The following GHRL variants were observed in gnomAD, a reference collection of about 807,000 sequenced individuals.
GHRL encodes appetite-regulating hormone.
A neutral mutation model predicts 16.9 loss-of-function variants in GHRL; 24 were observed. The ratio of observed to expected loss-of-function variants is 1.42; its 90% confidence interval spans 1.03 to 2.00. GHRL has a LOEUF of 2.00. Ranked by LOEUF, GHRL falls within the 30% of genes most tolerant of loss-of-function variation. The pLI, the probability that GHRL is intolerant of heterozygous loss-of-function variation, is 0.00. For synonymous variants in GHRL, 63 were observed against 58.2 expected, an observed-to-expected ratio of 1.08 and a Z score of -0.37; for missense variants, 193 against 142.1, an observed-to-expected ratio of 1.36 and a Z score of -1.82.
intron 3 of GHRL, 40 bp from the exon 4 acceptor site, chr3:10,289,918 C>T (rs1346844112): frequency 1.2e-5 from 19 of 1,528,780 alleles, no homozygotes; most frequent in Admixed American, 5.2e-5. Context: ...TCTAAGCCCC[C>T]ATGTCCTTCC....
chr3:10,290,092 G>C lies in GHRL; in HGVS notation c.89C>G (p.Pro30Arg). Residue 30 changes from proline to arginine, a missense_variant, in exon 3 of 6, where the codon CCT (proline) becomes CGT (arginine). Coordinates refer to ENST00000335542, the MANE Select transcript of GHRL (RefSeq NM_016362.5). Reference sequence around the variant, plus strand: ...TCTCACCTGGACTCTCTGGTGTTCAGGGCTCAGGAAGCTGGAGCCTGCCAT... The same window carrying C: ...TCTCACCTGGACTCTCTGGTGTTCACGGCTCAGGAAGCTGGAGCCTGCCAT... ...LAMAGSSFLS[P>R]EHQRVQQRKE... 1.9e-6 allele frequency: 3 copies of C among 1,612,758 alleles called. No individual in the cohort carries two copies. The highest frequency in any genetic ancestry group is 2.5e-6 in the Non-Finnish European group (3 of 1,179,680).
chr3:10,286,753 G>C lies in GHRL; in HGVS notation c.285C>G (p.Ser95Arg). ...CCTGAAGAAACTTCCCCAGGGCCTG[G>C]CTGTGCTGCTGGTACTGAACCCCTG... ...KLSGVQYQQH[S>R]QALGKFLQDI... Residue 95 changes from serine to arginine, a missense_variant, in exon 5 of 6, where the codon AGC becomes AGG. Ser to Arg is a moderately radical substitution (Grantham distance 110). Transcript: ENST00000335542. 6.2e-7 allele frequency: 1 copy of C among 1,613,004 alleles called. No individual in the cohort carries two copies. The highest frequency in any genetic ancestry group is 8.5e-7 in the Non-Finnish European group (1 of 1,178,946).
At chr3:10,285,945 G>A in intron 5 of GHRL, 51 bp from the exon 6 acceptor site, 1 of 1,549,512 alleles carries the variant, frequency 6.5e-7, no homozygotes, top group African/African-American at 1.4e-5. Flanking sequence ...TCCTGCTAGT[G>A]CTTTTCTTCC....
chr3:10,289,104 C>T (rs902018024), intron 4 of GHRL, among the ~76,000 whole-genome samples: 3 of 152,184 alleles, frequency 2.0e-5, no homozygotes, highest in Admixed American at 2.0e-4. Context: ...AATGGTGTCA[C>T]CAACCAAATA....
chr3:10,292,913 T>G lies in GHRL; in HGVS notation c.-837A>C. 6.5e-7 allele frequency: 1 copy of G among 1,545,120 alleles called. No individual in the cohort carries two copies. Among genetic ancestry groups the G allele is most frequent in the Non-Finnish European group, 8.7e-7 (1 of 1,142,954 alleles). On this transcript the variant is annotated 5_prime_UTR_variant, in exon 1 of 6. The change abolishes an upstream ATG in the 5' untranslated region. Coordinates refer to ENST00000335542, the MANE Select transcript of GHRL (RefSeq NM_016362.5). The stretch of plus-strand genomic sequence containing the variant: ...AGATAAGACCACCAGCAAGTAAACA[T>G]CCACTGTGCAAAGCTGTGTTATCTT...
rs959101091 is a variant in GHRL, at chr3:10,290,053, G to A, written c.108+20C>T. 22 of 1,609,974 alleles carry A rather than the reference G, an allele frequency of 1.4e-5. No homozygotes were observed. The highest frequency in any genetic ancestry group is 1.9e-5 in the Non-Finnish European group (22 of 1,178,300). ...TGGCAGGGCTGGAACAACATGTGGGGCTTTGTGGGGAGGTCTCACCTGGAC... is the reference window on the plus strand; with the variant it reads ...TGGCAGGGCTGGAACAACATGTGGGACTTTGTGGGGAGGTCTCACCTGGAC... On this transcript the variant is annotated intron_variant, in intron 3 of 5. Transcript: ENST00000335542.
In GHRL at chr3:10,292,922, C is replaced by CT; in HGVS notation, c.-847_-846insA. The CT allele has an allele frequency of 6.5e-7, 1 of 1,536,348 alleles. No individual in the cohort carries two copies. The highest frequency in any genetic ancestry group is 8.8e-7 in the Non-Finnish European group (1 of 1,138,226). On this transcript the variant is annotated 5_prime_UTR_variant, in exon 1 of 6. Transcript: ENST00000335542. ...CACCAGCAAGTAAACATCCACTGTGCAAAGCTGTGTTATCTTTGGGGAACT... is the reference window on the plus strand; with the variant it reads ...CACCAGCAAGTAAACATCCACTGTGCTAAAGCTGTGTTATCTTTGGGGAACT...
chr3:10,292,302 A>G (rs73125655), intron 1 of GHRL: 5,507 of 153,756 alleles, frequency 0.036, 221 homozygotes, highest in African/African-American at 0.1. Flanking sequence ...ATCTGGCTCC[A>G]TAATGAACAT....
chr3:10,285,914 G>A lies in GHRL; in HGVS notation c.335-20C>T. On this transcript the variant is annotated intron_variant, in intron 5 of 5. Coordinates refer to ENST00000335542, the MANE Select transcript of GHRL (RefSeq NM_016362.5). ...GGGCCTCTGGAAAGCAAGAGGTTGAGTAAGAATGCTGGGTGCACCGTCCTG... is the reference window on the plus strand; with the variant it reads ...GGGCCTCTGGAAAGCAAGAGGTTGAATAAGAATGCTGGGTGCACCGTCCTG... 6.2e-7 allele frequency: 1 copy of A among 1,611,072 alleles called. No individual in the cohort carries two copies. Among genetic ancestry groups the A allele is most frequent in the Non-Finnish European group, 8.5e-7 (1 of 1,177,310 alleles).
rs947604024 is a variant in GHRL, at chr3:10,291,031, G to T, written c.-345C>A. The T allele has an allele frequency of 1.0e-6, 1 of 985,586 alleles. No individual in the cohort carries two copies. Among genetic ancestry groups the T allele is most frequent in the Non-Finnish European group, 1.2e-6 (1 of 830,000 alleles). 61.1% of individuals were successfully genotyped at this position (985,586 alleles called of 1,614,324 possible). A position where few individuals can be genotyped will look rare whatever the true frequency, so the allele number is the denominator to read the frequency against. ...GGGAGGAGAGTGGCTCTGGGGTCTG[G>T]GTGCAGCTTTGTTGCTGTGTGACCT... On this transcript the variant is annotated 5_prime_UTR_variant, in exon 2 of 6. Transcript: ENST00000335542.
chr3:10,287,530 G>A (rs1282981081), intron 4 of GHRL: 4 of 153,774 alleles, frequency 2.6e-5, no homozygotes, highest in Non-Finnish European at 5.9e-5. Context: ...CTTTCCTTGA[G>A]AGCAGAGATT....
In GHRL at chr3:10,287,042, C is replaced by A. The variant is rs1699192088; in HGVS notation, c.226-230G>T. ...CAGACACTTACCTTGCACTCTCATG[C>A]CTCTCAGCCTTAGCCTCTAATGGGA... On this transcript the variant is annotated intron_variant, in intron 4 of 5. Transcript: ENST00000335542. The A allele has an allele frequency of 6.9e-6, 3 of 434,516 alleles. No homozygotes were observed. The South Asian group carries it at 8.3e-5, about 12-fold the overall frequency. The allele number at this position is 434,516 out of a possible 1,614,324, so 26.9% of individuals were successfully genotyped here. A position where few individuals can be genotyped will look rare whatever the true frequency, so the allele number is the denominator to read the frequency against.
chr3:10,285,948 T>C (rs1698997131), intron 5 of GHRL, 54 bp from the exon 6 acceptor site: 2 of 1,532,090 alleles, frequency 1.3e-6, no homozygotes, highest in Non-Finnish European at 1.8e-6. Flanking sequence ...TGCTAGTGCT[T>C]TTCTTCCACG....
At chr3:10,285,977 G>C in intron 5 of GHRL, 83 bp from the exon 6 acceptor site, 1 of 1,238,474 alleles carries the variant, frequency 8.1e-7, no homozygotes, top group South Asian at 1.2e-5. Flanking sequence ...ATTGGAGGTG[G>C]GATGTAATGG....
rs1302314435 is a variant in GHRL at position 10,290,889 on chromosome 3, G to A, written c.-203C>T. 2.0e-6 allele frequency: 2 copies of A among 985,558 alleles called. No individual in the cohort carries two copies. Among genetic ancestry groups the A allele is most frequent in the East Asian group, 2.3e-4 (2 of 8,826 alleles). 61.1% of individuals were successfully genotyped at this position (985,558 alleles called of 1,614,324 possible). ...GTCCTCTGGGTAGAAGTCAACAGTG[G>A]AGGTCAGATGCCCTGCGGAATTGCT... On this transcript the variant is annotated 5_prime_UTR_variant, in exon 2 of 6. Transcript: ENST00000335542.
chr3:10,290,431 T>C (rs1699823255), intron 2 of GHRL: 7 of 504,406 alleles, frequency 1.4e-5, no homozygotes, highest in African/African-American at 7.7e-5. Context: ...CAGGACTTGA[T>C]AGGGGCTGGG....
chr3:10,292,228 G>C (rs1700110013), intron 1 of GHRL: 2 of 152,296 alleles, frequency 1.3e-5, no homozygotes, highest in Non-Finnish European at 2.9e-5. Flanking sequence ...CAGCCATCAG[G>C]GGCAATGCTG....
In GHRL at chr3:10,289,876, C is replaced by G. The variant is rs766038463; in HGVS notation, c.111G>C (p.Gln37His). Residue 37 changes from glutamine to histidine, a missense_variant and splice_region_variant, in exon 4 of 6, where the codon CAG becomes CAC. Physicochemically the swap from Gln to His is conservative, Grantham distance 24 (BLOSUM62 0). Coordinates refer to ENST00000335542, the MANE Select transcript of GHRL (RefSeq NM_016362.5). ...FLSPEHQRVQ[Q>H]RKESKKPPAK... ...CTGGTGGCTTCTTCGACTCCTTTCT[C>G]TGCTGGAAGGGGGAAACAGTCTGTT... is the stretch of plus-strand genomic sequence containing the variant. 7 of 1,608,812 alleles carry G rather than the reference C, an allele frequency of 4.4e-6. No homozygotes were observed. The Admixed American group carries it at 1.0e-4, about 23-fold the overall frequency.
Position 10,285,705 on chromosome 3 carries a change from T to C in GHRL, c.*170A>G, listed in dbSNP as rs1647472077. 1 of 580,790 alleles carries C rather than the reference T, an allele frequency of 1.7e-6. No individual in the cohort carries two copies. Among genetic ancestry groups the C allele is most frequent in the Non-Finnish European group, 3.1e-6 (1 of 317,804 alleles). The allele number at this position is 580,790 out of a possible 1,614,324, so 36.0% of individuals were successfully genotyped here. A position where few individuals can be genotyped will look rare whatever the true frequency, so the allele number is the denominator to read the frequency against. ...ATTTTGATTTTTTTAAAGTAAAATATTAACTTTTCCTCTTTGAAATAAATT... is the reference window on the plus strand; with the variant it reads ...ATTTTGATTTTTTTAAAGTAAAATACTAACTTTTCCTCTTTGAAATAAATT... On this transcript the variant is annotated 3_prime_UTR_variant, in exon 6 of 6. Transcript: ENST00000335542.
Sources: gnomAD v4.1 joint callset for allele counts (sites outside exome capture counted in the v4.1 genomes callset) on GRCh38, gnomAD v4.1.1 for gene constraint, MANE v1.5 for transcripts, NCBI Gene and HGNC (gene_info 2026-07-23, HGNC 2026-07-21) for gene names.